PEAK1: variants seen among roughly 807,000 people sequenced by gnomAD.
PEAK1 encodes pseudopodium enriched atypical kinase 1.
PEAK1 carries 54 observed loss-of-function variants against 124.7 expected under a neutral mutation model. That is an observed-to-expected ratio of 0.43 (90% confidence interval 0.35 to 0.54). PEAK1 has a LOEUF of 0.54. PEAK1 is among the 20% of genes least tolerant of loss of function. The pLI is 0.01. For missense variants in PEAK1, 2,046 were observed against 2,134.5 expected (o/e 0.96, Z 0.82); for synonymous variants, 719 against 760.0 (o/e 0.95, Z 0.89).
At chr15:77,121,951 C>A (rs944622661) in intron 9 of PEAK1, among the ~76,000 whole-genome samples, 4 of 152,172 alleles carry the variant, frequency 2.6e-5, no homozygotes, top group Admixed American at 2.6e-4. Flanking sequence ...TAGAATGAAA[C>A]CCTGCAACTT....
chr15:77,147,328 G>C (rs1161850383), intron 8 of PEAK1, among the ~76,000 whole-genome samples: 1 of 152,138 alleles, frequency 6.6e-6, no homozygotes, highest in African/African-American at 2.4e-5. Context: ...GTGTGTTTTA[G>C]ATAATGCTCT....
At chr15:77,253,798 T>C (rs533866258) in intron 5 of PEAK1, among the ~76,000 whole-genome samples, 7 of 152,262 alleles carry the variant, frequency 4.6e-5, no homozygotes, top group African/African-American at 1.7e-4. Context: ...TCTGGCTATT[T>C]TGAAGATTTT....
chr15:77,182,252 T>C (rs547712770), intron 6 of PEAK1, among the ~76,000 whole-genome samples: 139 of 152,300 alleles, frequency 9.1e-4, no homozygotes, highest in African/African-American at 3.2e-3. Flanking sequence ...TGCACTCTTA[T>C]CTATCCATAC....
At chr15:77,356,876 T>C (rs1213860864) in intron 2 of PEAK1, among the ~76,000 whole-genome samples, 1 of 152,244 alleles carries the variant, frequency 6.6e-6, no homozygotes, top group Non-Finnish European at 1.5e-5. Flanking sequence ...ACATAAATTA[T>C]ACTATAACCA....
chr15:77,397,109 TC>T (rs1351790996), intron 1 of PEAK1, among the ~76,000 whole-genome samples: 4 of 152,290 alleles, frequency 2.6e-5, no homozygotes, highest in African/African-American at 9.6e-5. Flanking sequence ...ATATCAAGTA[TC>T]TTATCTGACC....
At chr15:77,336,110 T>A in intron 2 of PEAK1, 2 of 985,362 alleles carry the variant, frequency 2.0e-6, no homozygotes, top group Non-Finnish European at 2.4e-6. Context: ...AGTGCCAACT[T>A]CTCTGAGATG....
rs80206844 is a variant in PEAK1, at chr15:77,101,989, A to C, written c.*12167T>G. On this transcript the variant is annotated 3_prime_UTR_variant, in exon 7 of 7. Coordinates refer to the PEAK1 transcript ENST00000560626. ...TGGAAAATGAGATGCCAACAATATGATCTTAATTTAAAAAGAAAAAGGCAG... is the reference window on the plus strand; with the variant it reads ...TGGAAAATGAGATGCCAACAATATGCTCTTAATTTAAAAAGAAAAAGGCAG... 22 of 152,298 alleles carry C rather than the reference A, an allele frequency of 1.4e-4. No individual in the cohort carries two copies. In the East Asian group the frequency reaches 4.2e-3, roughly 29 times the overall value. The allele number at this position is 152,298 out of a possible 1,614,324, so 9.4% of individuals were successfully genotyped here.
intron 5 of PEAK1, among the ~76,000 whole-genome samples, chr15:77,283,163 T>C (rs2137977): frequency 0.21 from 31,377 of 152,084 alleles, 4,001 homozygotes; most frequent in Middle Eastern, 0.3. Flanking sequence ...AGAAAGGACA[T>C]AATACATTTT....
At chr15:77,197,485 G>A (rs1280173223) in intron 6 of PEAK1, among the ~76,000 whole-genome samples, 4 of 152,086 alleles carry the variant, frequency 2.6e-5, no homozygotes, top group African/African-American at 7.2e-5. Flanking sequence ...TCTTTTGAAA[G>A]TTTCTGTTAC....
chr15:77,325,879 A>G (rs2153025123), intron 2 of PEAK1, among the ~76,000 whole-genome samples: 1 of 152,280 alleles, frequency 6.6e-6, no homozygotes, highest in South Asian at 2.1e-4. Flanking sequence ...GTTACCTTAT[A>G]TAAAGTTAAA....
intron 5 of PEAK1, among the ~76,000 whole-genome samples, chr15:77,253,270 A>G (rs911745588): frequency 6.7e-6 from 1 of 149,616 alleles, no homozygotes; most frequent in African/African-American, 2.4e-5. Context: ...CCTGGAGCCA[A>G]TCTCCTGAGG....
chr15:77,107,859 A>C (rs1248835036), downstream of PEAK1: 2 of 152,288 alleles, frequency 1.3e-5, no homozygotes, highest in East Asian at 3.8e-4. Context: ...ACTGCTCACC[A>C]GAGGGCGATC....
chr15:77,279,861 A>G (rs144853294), intron 5 of PEAK1, among the ~76,000 whole-genome samples: 2 of 152,336 alleles, frequency 1.3e-5, no homozygotes, highest in African/African-American at 4.8e-5. Flanking sequence ...TTCCATTTAT[A>G]CAATATTCTG....
At chr15:77,120,813 C>T (rs1445845888) in intron 9 of PEAK1, among the ~76,000 whole-genome samples, 1 of 152,210 alleles carries the variant, frequency 6.6e-6, no homozygotes. Context: ...ACCTGTGTTC[C>T]ATTTGCTCTT....
rs2057193220 is a variant in PEAK1, at chr15:77,180,535, A to T, written c.1392T>A (p.Val464=). 1.9e-6 allele frequency: 3 copies of T among 1,614,094 alleles called. No homozygotes were observed. The East Asian group carries it at 6.7e-5, about 36-fold the overall frequency. ...TGCACAATGGCTGTTCCAGGTTCAC[A>T]ACTCGGTAAGGTTTTGCTTGCTCTT... is the stretch of plus-strand genomic sequence containing the variant. ...PTEEQAKPYR[V]VNLEQPLCKP... The change falls in exon 7 of 10, where the codon GTT becomes GTA. Residue 464 remains valine, a synonymous_variant. Coordinates refer to ENST00000682557, the MANE Select transcript of PEAK1 (RefSeq NM_001385026.1).
At position 77,114,201 on chromosome 15, in the gene PEAK1, A is replaced by G. The variant is rs1339184309; in HGVS notation, c.5196T>C (p.Thr1732=). The change falls in exon 10 of 10, where the codon ACT becomes ACC. Residue 1732 remains threonine, a synonymous_variant. Coordinates refer to ENST00000682557, the MANE Select transcript of PEAK1 (RefSeq NM_001385026.1). ...WLCAQYLAFA[T]TDSLSCIVKI... is the part of the protein sequence containing the mutation. ...TCACAATACAACTGAGGGAGTCTGT[A>G]GTGGCAAAAGCCAAATACTGAGCAC... 5.0e-6 allele frequency: 8 copies of G among 1,614,132 alleles called. No individual in the cohort carries two copies. The highest frequency in any genetic ancestry group is 4.0e-5 in the African/African-American group (3 of 74,940).
chr15:77,378,248 T>C (rs2069192918), intron 1 of PEAK1, among the ~76,000 whole-genome samples: 1 of 150,804 alleles, frequency 6.6e-6, no homozygotes. Flanking sequence ...CATTTTGTAA[T>C]TCTTATTTCA....
intron 2 of PEAK1, among the ~76,000 whole-genome samples, chr15:77,343,509 C>T (rs1338805053): frequency 1.0e-4 from 12 of 119,966 alleles, no homozygotes; most frequent in Non-Finnish European, 1.1e-4. Flanking sequence ...TTTTTTGAGA[C>T]GGAGTCTCGC....
chr15:77,143,799 T>C (rs1327513627), intron 8 of PEAK1, among the ~76,000 whole-genome samples: 2 of 152,232 alleles, frequency 1.3e-5, no homozygotes, highest in Non-Finnish European at 2.9e-5. Flanking sequence ...TTGTGTTCCA[T>C]TCTGAATTCC....
Sources: gnomAD v4.1 joint callset for allele counts (sites outside exome capture counted in the v4.1 genomes callset) on GRCh38, gnomAD v4.1.1 for gene constraint, MANE v1.5 for transcripts, NCBI Gene and HGNC (gene_info 2026-07-23, HGNC 2026-07-21) for gene names.